Variants in PHF10 observed in about 807,000 individuals in gnomAD.
PHF10 encodes PHD finger protein 10, also known as BRG1-associated factor 45a.
PHF10 carries 51 observed loss-of-function variants against 68.5 expected under a neutral mutation model. That is an observed-to-expected ratio of 0.74 (90% CI 0.59 to 0.94). The LOEUF (loss-of-function observed/expected upper bound fraction) is 0.94, where lower values mean the gene tolerates loss of function less well. Among genes scored for constraint, PHF10 ranks in the 40% least tolerant of loss-of-function variants. The pLI, the probability that PHF10 is intolerant of heterozygous loss-of-function variation, is 0.00. For missense variants in PHF10, 460 were observed against 602.6 expected (o/e 0.76, Z 2.48); for synonymous variants, 204 against 203.5 (o/e 1.00, Z -0.02).
At chr6:169,722,830 C>T (rs1789212072) in intron 1 of PHF10, among the ~76,000 whole-genome samples, 1 of 152,202 alleles carries the variant, frequency 6.6e-6, no homozygotes, top group African/African-American at 2.4e-5. Flanking sequence ...TCACATCCTT[C>T]CTAGGGCTCA....
chr6:169,711,829 C>G (rs1417363345), intron 8 of PHF10, among the ~76,000 whole-genome samples: 1 of 152,100 alleles, frequency 6.6e-6, no homozygotes, highest in African/African-American at 2.4e-5. Flanking sequence ...ATTCAAAGCC[C>G]TATGTCATCA....
rs867653421 is a variant in PHF10 at position 169,724,013 on chromosome 6, C to T, written c.-82G>A. 9.1e-6 allele frequency: 2 copies of T among 219,546 alleles called. No homozygotes were observed. The highest frequency in any genetic ancestry group is 1.5e-5 in the Non-Finnish European group (2 of 135,364). 13.6% of individuals were successfully genotyped at this position (219,546 alleles called of 1,614,324 possible). On this transcript the variant is annotated 5_prime_UTR_variant, in exon 1 of 12. Transcript: ENST00000339209. ...CCGCCGCCGCTGCCGCCGCCGCCGC[C>T]GCCGCCGCCGCGCGGGCCCCCCGCC...
Position 169,715,874 on chromosome 6 carries a change from C to T in PHF10, c.544-17G>A, listed in dbSNP as rs1022844595. 1.2e-6 allele frequency: 2 copies of T among 1,602,934 alleles called. No individual in the cohort carries two copies. Among genetic ancestry groups the T allele is most frequent in the African/African-American group, 2.7e-5 (2 of 74,284 alleles). ...TTGCATTTGCTGGAAAAAAAAAATA[C>T]AGTTGGAAGTCACATATAACTTTCT... On this transcript the variant is annotated splice_polypyrimidine_tract_variant and intron_variant, in intron 5 of 11. Transcript: ENST00000339209.
At chr6:169,717,082 T>G (rs1789065970) in intron 4 of PHF10, among the ~76,000 whole-genome samples, 1 of 152,082 alleles carries the variant, frequency 6.6e-6, no homozygotes, top group Non-Finnish European at 1.5e-5. Flanking sequence ...TAAAACCCCG[T>G]CTCTAATAAA....
In PHF10 at chr6:169,721,086, T is replaced by G; in HGVS notation, c.113A>C (p.Asp38Ala). 6.5e-7 allele frequency: 1 copy of G among 1,536,602 alleles called. No individual in the cohort carries two copies. Among genetic ancestry groups the G allele is most frequent in the Non-Finnish European group, 8.8e-7 (1 of 1,134,878 alleles). ...CCTCCTTTTGGATGGCTGGGTCCCA[T>G]CATTTGAATTATCTTCATTATCATC... ...PKDDNEDNSN[D>A]GTQPSKRRRM... Residue 38 changes from aspartate (D) to alanine (A), a missense_variant, in exon 2 of 12, where the codon GAT (aspartate) becomes GCT (alanine). Coordinates refer to ENST00000339209, the MANE Select transcript of PHF10 (RefSeq NM_018288.4).
chr6:169,723,485 G>A (rs1383553990), intron 1 of PHF10, among the ~76,000 whole-genome samples: 2 of 152,220 alleles, frequency 1.3e-5, no homozygotes, highest in Admixed American at 6.5e-5. Context: ...CGGAATGAAC[G>A]CTGAGCGAAC....
At chr6:169,706,779 C>T (rs9396950) in intron 9 of PHF10, among the ~76,000 whole-genome samples, 12 of 132,456 alleles carry the variant, frequency 9.1e-5, no homozygotes, top group East Asian at 7.1e-4. Flanking sequence ...CACACACACA[C>T]GTAGATGAAC....
At chr6:169,705,058 G>A (rs1010882359) in intron 11 of PHF10, 75 bp downstream of exon 11, 14 of 1,128,684 alleles carry the variant, frequency 1.2e-5, no homozygotes, top group African/African-American at 4.7e-5. Context: ...TCATGATAGC[G>A]TTTATGCAGC....
intron 8 of PHF10, 113 bp from the exon 9 acceptor site, chr6:169,710,504 A>C: frequency 1.3e-6 from 1 of 785,680 alleles, no homozygotes; most frequent in African/African-American, 1.8e-5. Context: ...TATCATTTTA[A>C]AAATAAAAAG....
chr6:169,711,989 A>G (rs1417126100), intron 8 of PHF10, among the ~76,000 whole-genome samples: 1 of 152,222 alleles, frequency 6.6e-6, no homozygotes, highest in Non-Finnish European at 1.5e-5. Flanking sequence ...ATATTACTAA[A>G]CATAATATTT....
rs199718320 is a variant in PHF10 at position 169,715,911 on chromosome 6, T to A, written c.543+44A>T. ...ACATATAACTTTCTAAAATGTCATT[T>A]TCCCCAACCCAAATAAAAAATGCCA... On this transcript the variant is annotated intron_variant, in intron 5 of 11. Coordinates refer to ENST00000339209, the MANE Select transcript of PHF10 (RefSeq NM_018288.4). 4,065 of 1,596,522 alleles carry A rather than the reference T, an allele frequency of 2.5e-3. 10 individuals are homozygous for A. The highest frequency in any genetic ancestry group is 3.3e-3 in the Non-Finnish European group (3,815 of 1,170,656).
intron 9 of PHF10, chr6:169,707,899 C>G (rs1021679076): frequency 1.3e-5 from 2 of 152,132 alleles, no homozygotes; most frequent in Non-Finnish European, 2.9e-5. Context: ...GCTCGATATA[C>G]AAAGCATCTG....
intron 8 of PHF10, among the ~76,000 whole-genome samples, chr6:169,712,108 G>A (rs972547770): frequency 8.5e-5 from 13 of 152,176 alleles, no homozygotes; most frequent in Non-Finnish European, 1.2e-4. Context: ...AAGCTAAAGA[G>A]ACAGCAAGTT....
chr6:169,722,911 G>C (rs914135135), intron 1 of PHF10, among the ~76,000 whole-genome samples: 1 of 152,224 alleles, frequency 6.6e-6, no homozygotes, highest in Non-Finnish European at 1.5e-5. Flanking sequence ...TCAAATGCTG[G>C]AAGTGCAAGG....
intron 9 of PHF10, chr6:169,707,998 GCA>G (rs973985626): frequency 2.6e-5 from 4 of 152,220 alleles, no homozygotes; most frequent in African/African-American, 9.7e-5. Context: ...CAAGTGGATT[GCA>G]CAGTTGAGGG....
intron 11 of PHF10, chr6:169,704,465 G>A: frequency 4.9e-6 from 1 of 203,274 alleles, no homozygotes; most frequent in Non-Finnish European, 1.1e-5. Flanking sequence ...TGTCTTAACA[G>A]CATTCTTTCA....
At position 169,706,654 on chromosome 6, in the gene PHF10, A is replaced by G. The variant is rs139169557; in HGVS notation, c.1114-930T>C. 9.1e-4 allele frequency among the ~76,000 whole-genome samples: 138 copies of G among 152,050 alleles called. 1 individual carries two copies. The highest frequency in any genetic ancestry group is 3.2e-3 in the African/African-American group (132 of 41,480). ...TCACTCATGCTATAGAAATAAGTAA[A>G]TAACAGTGGTAAAAAAGGAAGAGCA... On this transcript the variant is annotated intron_variant, in intron 9 of 11. Coordinates refer to ENST00000339209, the MANE Select transcript of PHF10 (RefSeq NM_018288.4).
rs535575759 is a variant in PHF10 at position 169,711,936 on chromosome 6, CA to C, written c.957+449del. 6.8e-4 allele frequency among the ~76,000 whole-genome samples: 99 copies of C among 145,580 alleles called. 1 individual carries two copies. Among genetic ancestry groups the C allele is most frequent in the Non-Finnish European group, 6.5e-4 (43 of 65,926 alleles). On this transcript the variant is annotated intron_variant, in intron 8 of 11. Coordinates refer to ENST00000339209, the MANE Select transcript of PHF10 (RefSeq NM_018288.4). ...ACTGTCTTGCAGGTGCATTTTGCTA[CA>C]AAAAAAAAAGTCATACAGGAAAACC...
chr6:169,720,142 T>C (rs145128986), intron 2 of PHF10, among the ~76,000 whole-genome samples: 2,371 of 152,212 alleles, frequency 0.016, 36 homozygotes, highest in African/African-American at 0.039. Context: ...GGGTAACTAT[T>C]ATTTTAAAAA....
Sources: allele counts gnomAD v4.1 joint callset (sites outside exome capture counted in the v4.1 genomes callset), GRCh38; gene constraint gnomAD v4.1.1; transcripts MANE v1.5; gene names NCBI Gene and HGNC (gene_info 2026-07-23, HGNC 2026-07-21).